Variants in WNK2 observed in about 807,000 individuals in gnomAD.
The protein encoded by WNK2 is serine/threonine-protein kinase WNK2.
In WNK2, 67 loss-of-function variants were observed where a neutral mutation model predicts 192.1. The observed-to-expected ratio is 0.35, with a 90% CI of 0.29 to 0.43. The LOEUF (loss-of-function observed/expected upper bound fraction) is 0.43, where lower values mean the gene tolerates loss of function less well. WNK2 is among the 20% of genes least tolerant of loss of function. The pLI, the probability that WNK2 is intolerant of heterozygous loss-of-function variation, is 1.00. For missense variants in WNK2, 2,698 were observed against 3,089.7 expected, an observed-to-expected ratio of 0.87 and a Z score of 3.01; for synonymous variants, 1,439 against 1,393.9, an observed-to-expected ratio of 1.03 and a Z score of -0.72.
chr9:93,267,495 G>C (rs1043861779), intron 16 of WNK2, among the ~76,000 whole-genome samples: 1 of 152,228 alleles, frequency 6.6e-6, no homozygotes, highest in Non-Finnish European at 1.5e-5. Context: ...CTCCAGCTGG[G>C]GCAGGGCATT....
At chr9:93,248,045 C>T (rs183116006) in intron 8 of WNK2, among the ~76,000 whole-genome samples, 54 of 152,354 alleles carry the variant, frequency 3.5e-4, no homozygotes, top group Admixed American at 3.9e-4. Flanking sequence ...AGGTAGTTTC[C>T]GGGAGTCCTG....
At chr9:93,313,066 T>A (rs1853962008) in intron 28 of WNK2, among the ~76,000 whole-genome samples, 1 of 152,246 alleles carries the variant, frequency 6.6e-6, no homozygotes, top group Non-Finnish European at 1.5e-5. Context: ...AATTCCTATC[T>A]GTTGATATCC....
At position 93,259,481 on chromosome 9, in the gene WNK2, C is replaced by A; in HGVS notation, c.2933C>A (p.Pro978His). The change falls in exon 12 of 30, where the codon CCT becomes CAT. Residue 978 changes from proline to histidine, a missense_variant. Coordinates refer to ENST00000427277, the MANE Select transcript of WNK2 (RefSeq NM_006648.4). The surrounding 1 kb of genome is among the most constrained non-coding windows in gnomAD (Gnocchi z 4.8). ...LPPQPTRPPQ[P>H]VLPPQPMLPP... ...CCGCAACCCACACGGCCCCCTCAACCTGTGCTGCCCCCGCAACCCATGCTG... is the reference window on the plus strand; with the variant it reads ...CCGCAACCCACACGGCCCCCTCAACATGTGCTGCCCCCGCAACCCATGCTG... The A allele has an allele frequency of 6.6e-7, 1 of 1,506,544 alleles. No homozygotes were observed. Among genetic ancestry groups the A allele is most frequent in the Non-Finnish European group, 8.8e-7 (1 of 1,135,374 alleles). The allele number at this position is 1,506,544 out of a possible 1,614,324, so 93.3% of individuals were successfully genotyped here. A position where few individuals can be genotyped will look rare whatever the true frequency, so the allele number is the denominator to read the frequency against.
rs151031053 is a variant in WNK2 at position 93,246,980 on chromosome 9, C to T, written c.1543-563C>T. ...GCTCATGATGTTTCCTGGAGACCTT[C>T]GGGCTCTCTTACAAATGCTCTCAAG... On this transcript the variant is annotated intron_variant, in intron 7 of 29. Coordinates refer to ENST00000427277, the MANE Select transcript of WNK2 (RefSeq NM_006648.4). 6.1e-3 allele frequency among the ~76,000 whole-genome samples: 927 copies of T among 152,322 alleles called. 8 individuals carry two copies. Among genetic ancestry groups the T allele is most frequent in the African/African-American group, 0.021 (872 of 41,580 alleles).
intron 2 of WNK2, among the ~76,000 whole-genome samples, chr9:93,198,048 C>A (rs1383580063): frequency 1.3e-5 from 2 of 152,178 alleles, no homozygotes. Flanking sequence ...AGTAAAGTTT[C>A]CCAGTTTACT....
At chr9:93,203,899 T>C (rs1587849963) in intron 2 of WNK2, among the ~76,000 whole-genome samples, 1 of 152,074 alleles carries the variant, frequency 6.6e-6, no homozygotes, top group Non-Finnish European at 1.5e-5. Flanking sequence ...GTGGACATGG[T>C]GCAGTTGGGG....
intron 2 of WNK2, among the ~76,000 whole-genome samples, chr9:93,200,849 A>T (rs1832214599): frequency 2.0e-5 from 3 of 152,208 alleles, no homozygotes; most frequent in Non-Finnish European, 4.4e-5. Flanking sequence ...TATGAGAAGG[A>T]TGAAATAGGG....
rs995374032 is a variant in WNK2, at chr9:93,247,909, A to C, written c.1834+75A>C. The C allele has an allele frequency of 6.9e-7, 1 of 1,447,176 alleles. No homozygotes were observed. Among genetic ancestry groups the C allele is most frequent in the Non-Finnish European group, 9.2e-7 (1 of 1,085,742 alleles). The allele number at this position is 1,447,176 out of a possible 1,614,324, so 89.6% of individuals were successfully genotyped here. A position where few individuals can be genotyped will look rare whatever the true frequency, so the allele number is the denominator to read the frequency against. ...GCAAAAACCAGCTATTGGGCAAAGAAAAATGAAGTCCTCTCCCTTTATTGG... is the reference window on the plus strand; with the variant it reads ...GCAAAAACCAGCTATTGGGCAAAGACAAATGAAGTCCTCTCCCTTTATTGG... On this transcript the variant is annotated intron_variant, in intron 8 of 29. Transcript: ENST00000427277. The surrounding 1 kb of genome is among the most constrained non-coding windows in gnomAD (Gnocchi z 5.2).
intron 19 of WNK2, among the ~76,000 whole-genome samples, chr9:93,284,947 C>T (rs1223530880): frequency 6.6e-6 from 1 of 152,184 alleles, no homozygotes; most frequent in Non-Finnish European, 1.5e-5. Context: ...ATATCAACCA[C>T]TCTGTAAATG....
intron 27 of WNK2, chr9:93,307,075 C>T: frequency 5.5e-6 from 3 of 547,778 alleles, no homozygotes; most frequent in Non-Finnish European, 9.8e-6. Flanking sequence ...GCTTATCCTT[C>T]CCCGGAACAC....
At chr9:93,311,217 G>A (rs1853596099) in intron 28 of WNK2, among the ~76,000 whole-genome samples, 1 of 152,112 alleles carries the variant, frequency 6.6e-6, no homozygotes, top group Non-Finnish European at 1.5e-5. Context: ...GGGCACCCTT[G>A]ATGACATCCA....
intron 19 of WNK2, among the ~76,000 whole-genome samples, chr9:93,271,646 A>C (rs569876239): frequency 6.6e-4 from 101 of 152,370 alleles, no homozygotes; most frequent in African/African-American, 2.2e-3. Flanking sequence ...AGATAGAGAA[A>C]AATAAACAGA....
intron 16 of WNK2, among the ~76,000 whole-genome samples, chr9:93,264,532 T>TA (rs11423043): frequency 0.034 from 5,233 of 152,214 alleles, 255 homozygotes; most frequent in African/African-American, 0.11. Context: ...ATGAGCACCT[T>TA]GTAGGCCTTC....
chr9:93,274,855 A>G (rs1846547577), intron 19 of WNK2, among the ~76,000 whole-genome samples: 1 of 152,228 alleles, frequency 6.6e-6, no homozygotes, highest in African/African-American at 2.4e-5. Context: ...AAAGAGATTC[A>G]ACACCAATAC....
rs1225420941 is a variant in WNK2 at position 93,239,040 on chromosome 9, C to T, written c.1323-717C>T. Among the ~76,000 whole-genome samples the T allele has an allele frequency of 6.6e-6, 1 of 152,208 alleles. No individual in the cohort carries two copies. The highest frequency in any genetic ancestry group is 1.5e-5 in the Non-Finnish European group (1 of 68,030). ...GAAGCCAGGCCCCAAAGAGTGCGTGCTGTGTGGTTCCATTTATAGGGTAAA... is the reference window on the plus strand; with the variant it reads ...GAAGCCAGGCCCCAAAGAGTGCGTGTTGTGTGGTTCCATTTATAGGGTAAA... On this transcript the variant is annotated intron_variant, in intron 6 of 29. Transcript: ENST00000427277. This position sits in a 1 kb window ranked among gnomAD's most constrained non-coding sequence, Gnocchi z 4.2.
intron 2 of WNK2, among the ~76,000 whole-genome samples, chr9:93,189,091 C>T (rs1294244707): frequency 2.6e-5 from 4 of 152,174 alleles, no homozygotes; most frequent in East Asian, 1.9e-4. Context: ...CAACTCAGAC[C>T]CAGGGAGGCA....
At chr9:93,265,747 C>T (rs1845065148) in intron 16 of WNK2, among the ~76,000 whole-genome samples, 2 of 152,262 alleles carry the variant, frequency 1.3e-5, no homozygotes, top group Admixed American at 6.5e-5. Context: ...GCTTCCAGTG[C>T]TTGCCTGCCC....
At chr9:93,268,472 CAG>C (rs914513865) in intron 18 of WNK2, among the ~76,000 whole-genome samples, 153 bp from the exon 19 acceptor site, 5 of 152,084 alleles carry the variant, frequency 3.3e-5, no homozygotes, top group Non-Finnish European at 7.4e-5. Context: ...TGACTGGGAA[CAG>C]TGTTCTCTGC....
At position 93,243,007 on chromosome 9, in the gene WNK2, G is replaced by A. The variant is rs373770176; in HGVS notation, c.1542+3031G>A. 4.9e-4 allele frequency among the ~76,000 whole-genome samples: 75 copies of A among 152,270 alleles called. No homozygotes were observed. In the South Asian group the frequency reaches 0.01, roughly 21 times the overall value. On this transcript the variant is annotated intron_variant, in intron 7 of 29. Coordinates refer to ENST00000427277, the MANE Select transcript of WNK2 (RefSeq NM_006648.4). ...AGGGACCAGGGAGCTGTGTCAGGAG[G>A]CCAAGTGCTACAGCGACGGCTGAGC... is the stretch of plus-strand genomic sequence containing the variant.
Sources: gnomAD v4.1 joint callset for allele counts (sites outside exome capture counted in the v4.1 genomes callset) on GRCh38, gnomAD v4.1.1 for gene constraint, Gnocchi (gnomAD v3.1) non-coding constraint, MANE v1.5 for transcripts, NCBI Gene and HGNC (gene_info 2026-07-23, HGNC 2026-07-21) for gene names.